Variants in GIGYF1 observed in about 807,000 individuals in gnomAD.
GIGYF1 encodes GRB10-interacting GYF protein 1.
In GIGYF1, 84 loss-of-function variants were observed where a neutral mutation model predicts 147.1. The observed-to-expected ratio is 0.57, with a 90% CI of 0.48 to 0.68. The LOEUF (loss-of-function observed/expected upper bound fraction) is 0.68. GIGYF1 is among the 30% of genes least tolerant of loss of function. The probability of loss-of-function intolerance (pLI) is 0.00; values close to 1 mark genes in which losing one functional copy is unlikely to be tolerated. For missense variants in GIGYF1, 1,485 were observed against 1,393.7 expected (o/e 1.07, Z -1.04); for synonymous variants, 752 against 589.5 (o/e 1.28, Z -3.99).
At chr7:100,687,274 C>CT in intron 8 of GIGYF1, 24 bp downstream of exon 8, 1 of 1,601,214 alleles carries the variant, frequency 6.2e-7, no homozygotes. Context: ...CCCGGCTCTG[C>CT]GCCATGCCCC....
intron 9 of GIGYF1, 25 bp downstream of exon 9, chr7:100,686,981 G>A (rs1232166112): frequency 1.2e-6 from 2 of 1,613,596 alleles, no homozygotes; most frequent in Middle Eastern, 1.7e-4. Context: ...TGCCGCCCCG[G>A]CCGCCGCCCT....
rs1804877296 is a variant in GIGYF1, at chr7:100,682,485, G to T, written c.2601-3C>A. The stretch of plus-strand genomic sequence containing the variant: ...CCGATAGGTGGCTGTATGAGTCACT[G>T]AAGGGGGAGGGTGAGTCAGGGTTGG... On this transcript the variant is annotated splice_polypyrimidine_tract_variant and splice_region_variant and intron_variant, in intron 23 of 26. Coordinates refer to ENST00000678049, the MANE Select transcript of GIGYF1 (RefSeq NM_001375765.1). The T allele has an allele frequency of 1.9e-6, 3 of 1,611,158 alleles. No individual in the cohort carries two copies. Among genetic ancestry groups the T allele is most frequent in the Non-Finnish European group, 2.5e-6 (3 of 1,179,872 alleles).
chr7:100,686,568 C>G, intron 10 of GIGYF1, 81 bp downstream of exon 10: 1 of 1,532,840 alleles, frequency 6.5e-7, no homozygotes, highest in Non-Finnish European at 8.8e-7. Context: ...TGCTCCCTCC[C>G]CGTGGCTACA....
At chr7:100,686,848 T>C (rs777424978) in intron 9 of GIGYF1, 29 bp from the exon 10 acceptor site, 78 of 1,610,932 alleles carry the variant, frequency 4.8e-5, no homozygotes, top group Non-Finnish European at 6.2e-5. Flanking sequence ...GGGGCAGTTA[T>C]TAGAAAGGCA....
At chr7:100,692,094 T>G (rs1241367819) in intron 1 of GIGYF1, among the ~76,000 whole-genome samples, 1 of 152,214 alleles carries the variant, frequency 6.6e-6, no homozygotes, top group Non-Finnish European at 1.5e-5. Context: ...TCCTCAACAC[T>G]GGAACAACCG....
rs1805108067 is a variant in GIGYF1, at chr7:100,684,319, G to A, written c.1648C>T (p.Arg550Trp). 2 of 1,597,450 alleles carry A rather than the reference G, an allele frequency of 1.3e-6. No homozygotes were observed. Among genetic ancestry groups the A allele is most frequent in the South Asian group, 1.1e-5 (1 of 88,998 alleles). Residue 550 changes from arginine (R) to tryptophan (W), a missense_variant, in exon 17 of 27, where the codon CGG becomes TGG. Coordinates refer to ENST00000678049, the MANE Select transcript of GIGYF1 (RefSeq NM_001375765.1). Reference sequence around the variant, plus strand: ...GCCAGCTCCTGTTGCTTCTTCAGCCGCTCCTGGTCCATGTTTCCCTGCTCA... The same window carrying A: ...GCCAGCTCCTGTTGCTTCTTCAGCCACTCCTGGTCCATGTTTCCCTGCTCA... Reference protein sequence around the residue: ...PPLLGNMDQERLKKQQELAAA... With the variant: ...PPLLGNMDQEWLKKQQELAAA...
rs775140330 is a variant in GIGYF1, at chr7:100,684,376, A to AGGAG, written c.1630-43_1630-40dup. On this transcript the variant is annotated intron_variant, in intron 16 of 26. Transcript: ENST00000678049. ...AGCTCGGCCAGTGCCCCCAGCAGGG[A>AGGAG]GGAGGGGACTCTGCTGGACTCCTGC... The AGGAG allele has an allele frequency of 3.1e-6, 5 of 1,598,570 alleles. No individual in the cohort carries two copies. The South Asian group carries it at 3.3e-5, about 11-fold the overall frequency.
chr7:100,688,032 G>C lies in GIGYF1; in HGVS notation c.114C>G (p.Asp38Glu). Residue 38 changes from aspartate to glutamate, a missense_variant, in exon 5 of 27, where the codon GAC becomes GAG. Physicochemically the swap from Asp to Glu is conservative, Grantham distance 45. Transcript: ENST00000678049. ...SPAMPKYKLA[D>E]YRYGREEMLA... ...GCATTTCCTCTCGCCCATAACGGTA[G>C]TCAGCCAGCTTGTATTTGGGCATGG... The C allele has an allele frequency of 6.2e-7, 1 of 1,613,728 alleles. No individual in the cohort carries two copies. Among genetic ancestry groups the C allele is most frequent in the Non-Finnish European group, 8.5e-7 (1 of 1,179,834 alleles).
Position 100,682,708 on chromosome 7 carries a change from G to T in GIGYF1, c.2482C>A (p.Pro828Thr). 6.3e-7 allele frequency: 1 copy of T among 1,585,990 alleles called. No individual in the cohort carries two copies. The stretch of plus-strand genomic sequence containing the variant: ...CTGCTGCCGCCCCCACTCTTGTCTG[G>T]CCCGCCCCACAGTGGCCCAGCCTCA... ...VSEAGPLWGG[P>T]DKSGGGSSGL... Residue 828 changes from proline (P) to threonine (T), a missense_variant, in exon 23 of 27, where the codon CCA becomes ACA. Coordinates refer to ENST00000678049, the MANE Select transcript of GIGYF1 (RefSeq NM_001375765.1).
chr7:100,685,953 G>A (rs377196362), intron 12 of GIGYF1, 21 bp downstream of exon 12: 15 of 1,602,550 alleles, frequency 9.4e-6, no homozygotes, highest in African/African-American at 1.3e-5. Flanking sequence ...CCCCAGGCCC[G>A]CTGGGCACCC....
Position 100,683,535 on chromosome 7 carries a change from A to G in GIGYF1, c.2052+15T>C, listed in dbSNP as rs759867559. The G allele has an allele frequency of 1.4e-5, 23 of 1,613,618 alleles. 1 individual carries two copies. The highest frequency in any genetic ancestry group is 1.9e-5 in the Non-Finnish European group (23 of 1,179,572). Reference sequence around the variant, plus strand: ...CCTTCATTCCCAGGGCCTCAGCCCCAGGATGCCCACTCACTTTATGTTGCA... The same window carrying G: ...CCTTCATTCCCAGGGCCTCAGCCCCGGGATGCCCACTCACTTTATGTTGCA... On this transcript the variant is annotated intron_variant, in intron 20 of 26. Coordinates refer to ENST00000678049, the MANE Select transcript of GIGYF1 (RefSeq NM_001375765.1).
At chr7:100,682,876 G>A in intron 22 of GIGYF1, 99 bp from the exon 23 acceptor site, 2 of 1,316,466 alleles carry the variant, frequency 1.5e-6, no homozygotes, top group Non-Finnish European at 2.0e-6. Context: ...GGTGAGGTGA[G>A]GGCCACAAGA....
Position 100,683,387 on chromosome 7 carries a change from G to A in GIGYF1, c.2110C>T (p.Arg704Cys), listed in dbSNP as rs1206809392. ...RAKREEEERKRREEKRRQQQQ... is the reference protein window; with the variant it reads ...RAKREEEERKCREEKRRQQQQ... ...TGCTGGCGGCGCTTCTCCTCTCGAC[G>A]CTTGCGTTCCTCTTCCTCCCGCTTC... Residue 704 changes from arginine to cysteine, a missense_variant, in exon 21 of 27, where the codon CGT becomes TGT. By Grantham distance (180) the Arg-to-Cys change is radical. Coordinates refer to ENST00000678049, the MANE Select transcript of GIGYF1 (RefSeq NM_001375765.1). 1.9e-6 allele frequency: 3 copies of A among 1,613,454 alleles called. No homozygotes were observed. The highest frequency in any genetic ancestry group is 2.2e-5 in the East Asian group (1 of 44,894).
chr7:100,689,631 C>T (rs1805668209), intron 1 of GIGYF1, 76 bp from the exon 2 acceptor site: 1 of 152,408 alleles, frequency 6.6e-6, no homozygotes, highest in Admixed American at 6.5e-5. Flanking sequence ...AGCCAGCAGC[C>T]CATGACAAGC....
rs1322091269 is a variant in GIGYF1, at chr7:100,688,517, T to C, written c.-134-2A>G. The C allele has an allele frequency of 6.0e-6, 4 of 665,378 alleles. No homozygotes were observed. Among genetic ancestry groups the C allele is most frequent in the Non-Finnish European group, 1.1e-5 (4 of 361,354 alleles). The allele number at this position is 665,378 out of a possible 1,614,324, so 41.2% of individuals were successfully genotyped here. A position where few individuals can be genotyped will look rare whatever the true frequency, so the allele number is the denominator to read the frequency against. On this transcript the variant is annotated splice_acceptor_variant, in intron 2 of 26. Transcript: ENST00000678049. LOFTEE classifies it low-confidence loss of function (5UTR_SPLICE). The stretch of plus-strand genomic sequence containing the variant: ...AGATGAGTCCAGACGGTGAAAGACC[T>C]GGGGGAGGCGAGGAGATGGGAAGCT...
At chr7:100,687,199 G>C (rs2131387999) in intron 8 of GIGYF1, 99 bp downstream of exon 8, 1 of 1,450,156 alleles carries the variant, frequency 6.9e-7, no homozygotes, top group Non-Finnish European at 9.6e-7. Flanking sequence ...ATCTCGGACA[G>C]GGCTTATCTG....
At position 100,687,290 on chromosome 7, in the gene GIGYF1, C is replaced by A. The variant is rs221796; in HGVS notation, c.482+8G>T. ...CCGGCTCTGCGCCATGCCCCCTCCC[C>A]GCCCCACCTGTCATCCCAGCTCTGG... On this transcript the variant is annotated splice_region_variant and intron_variant, in intron 8 of 26. Transcript: ENST00000678049. 1.9e-5 allele frequency: 31 copies of A among 1,611,270 alleles called. No homozygotes were observed. Among genetic ancestry groups the A allele is most frequent in the East Asian group, 1.6e-4 (7 of 44,824 alleles).
chr7:100,693,850 C>T (rs1806026464), intron 1 of GIGYF1: 1 of 151,500 alleles, frequency 6.6e-6, no homozygotes, highest in African/African-American at 2.4e-5. Flanking sequence ...GCCGGCCTCC[C>T]GGGGCCTCCC....
chr7:100,687,709 G>A (rs564301563), intron 6 of GIGYF1, 79 bp downstream of exon 6: 108 of 1,208,010 alleles, frequency 8.9e-5, no homozygotes, highest in Admixed American at 1.3e-4. Context: ...TCTCCTCAGC[G>A]CTGGCCCCTC....
Sources: allele counts gnomAD v4.1 joint callset (sites outside exome capture counted in the v4.1 genomes callset), GRCh38; gene constraint gnomAD v4.1.1; transcripts MANE v1.5; gene names NCBI Gene and HGNC (gene_info 2026-07-23, HGNC 2026-07-21).